DPYD: variants seen among roughly 807,000 people sequenced by gnomAD.
DPYD encodes the protein dihydropyrimidine dehydrogenase [NADP(+)].
DPYD carries 109 observed loss-of-function variants against 116.2 expected under a neutral mutation model. That is an observed-to-expected ratio of 0.94 (90% confidence interval 0.80 to 1.10). The LOEUF (loss-of-function observed/expected upper bound fraction) is 1.10, where lower values mean the gene tolerates loss of function less well. DPYD is among the 50% of genes least tolerant of loss of function. DPYD has a pLI of 0.00. For missense variants in DPYD, 1,302 were observed against 1,254.5 expected (o/e 1.04, Z -0.57); for synonymous variants, 440 against 432.0 (o/e 1.02, Z -0.23).
At chr1:97,184,288 G>A (rs1003507290) in intron 20 of DPYD, among the ~76,000 whole-genome samples, 4 of 152,234 alleles carry the variant, frequency 2.6e-5, no homozygotes, top group Middle Eastern at 6.8e-3. Context: ...ATTTGGCAAT[G>A]GGATTGCTGG....
At chr1:97,499,570 C>T (rs1222841093) in intron 13 of DPYD, among the ~76,000 whole-genome samples, 3 of 151,574 alleles carry the variant, frequency 2.0e-5, no homozygotes, top group Admixed American at 1.3e-4. Flanking sequence ...TGGAGAACAG[C>T]GGGAACAAAA....
chr1:97,451,917 C>T (rs1043732941), intron 13 of DPYD, among the ~76,000 whole-genome samples: 9 of 152,050 alleles, frequency 5.9e-5, no homozygotes, highest in African/African-American at 1.9e-4. Flanking sequence ...CAACCTAGGC[C>T]ACAAGTTGTT....
chr1:97,169,523 T>TTCTTATTTTA, intron 20 of DPYD, among the ~76,000 whole-genome samples: 1 of 143,094 alleles, frequency 7.0e-6, no homozygotes, highest in Non-Finnish European at 1.5e-5. Flanking sequence ...ATTGGGTTAA[T>TTCTTATTTTA]TTTTATTTTA....
intron 20 of DPYD, among the ~76,000 whole-genome samples, chr1:97,121,925 G>A (rs552377224): frequency 6.6e-6 from 1 of 152,282 alleles, no homozygotes; most frequent in East Asian, 1.9e-4. Context: ...GCCTGGGTCT[G>A]CAAGTAGATT....
At position 97,373,554 on chromosome 1, in the gene DPYD, T is replaced by A. The variant is rs1188468365; in HGVS notation, c.2058+7A>T. 6.2e-7 allele frequency: 1 copy of A among 1,613,430 alleles called. No homozygotes were observed. Among genetic ancestry groups the A allele is most frequent in the Non-Finnish European group, 8.5e-7 (1 of 1,179,578 alleles). On this transcript the variant is annotated splice_region_variant and intron_variant, in intron 16 of 22. Coordinates refer to ENST00000370192, the MANE Select transcript of DPYD (RefSeq NM_000110.4). ...ACATACTTAGTGGCAGCTGTCAAGG[T>A]CCTTACCTGCCCACAGGCCAGGCCC...
Position 97,785,027 on chromosome 1 carries a change from T to C in DPYD, c.233+43087A>G, listed in dbSNP as rs570833346. Reference sequence around the variant, plus strand: ...TTTATAATTTCATGGTGTTCTGATTTTAATAAACACAAATAAATTTATTAA... The same window carrying C: ...TTTATAATTTCATGGTGTTCTGATTCTAATAAACACAAATAAATTTATTAA... On this transcript the variant is annotated intron_variant, in intron 3 of 22. Coordinates refer to ENST00000370192, the MANE Select transcript of DPYD (RefSeq NM_000110.4). Among the ~76,000 whole-genome samples the C allele has an allele frequency of 1.3e-4, 20 of 152,342 alleles. No individual in the cohort carries two copies. The East Asian group carries it at 3.9e-3, about 29-fold the overall frequency.
chr1:97,180,109 T>C (rs1248074122), intron 20 of DPYD, among the ~76,000 whole-genome samples: 2 of 152,144 alleles, frequency 1.3e-5, no homozygotes, highest in Non-Finnish European at 2.9e-5. Context: ...TGGTTTGTTT[T>C]GTTTGACTTT....
intron 19 of DPYD, among the ~76,000 whole-genome samples, chr1:97,216,551 T>C (rs1660408590): frequency 6.6e-6 from 1 of 152,168 alleles, no homozygotes; most frequent in South Asian, 2.1e-4. Context: ...CCCAGTACTT[T>C]GGGAGGCCGA....
At position 97,679,150 on chromosome 1, in the gene DPYD, T is replaced by G. The variant is rs766962931; in HGVS notation, c.795A>C (p.Glu265Asp). 6.3e-7 allele frequency: 1 copy of G among 1,590,346 alleles called. No individual in the cohort carries two copies. The highest frequency in any genetic ancestry group is 8.6e-7 in the Non-Finnish European group (1 of 1,166,036). ...TTTCTTTCAAAGTGCTAAGAGTCAT[T>G]TCATTCACTGAAAGGCTTTTACCGC... is the stretch of plus-strand genomic sequence containing the variant. The part of the protein sequence containing the change: ...IICGKSLSVN[E>D]MTLSTLKEKG... Residue 265 changes from glutamate to aspartate, a missense_variant, in exon 8 of 23, where the codon GAA becomes GAC. Physicochemically the swap from Glu to Asp is conservative, Grantham distance 45 (BLOSUM62 2). Coordinates refer to ENST00000370192, the MANE Select transcript of DPYD (RefSeq NM_000110.4).
chr1:97,227,331 C>CAAAAAAAAAAAA (rs60992225), intron 19 of DPYD, among the ~76,000 whole-genome samples: 4 of 26,370 alleles, frequency 1.5e-4, no homozygotes, highest in Non-Finnish European at 2.4e-4. Flanking sequence ...GACTCTATCT[C>CAAAAAAAAAAAA]AAAAAAAAAA....
At chr1:97,392,010 A>G (rs542852748) in intron 14 of DPYD, among the ~76,000 whole-genome samples, 5 of 152,184 alleles carry the variant, frequency 3.3e-5, no homozygotes, top group African/African-American at 1.2e-4. Context: ...ATGAGAGCAA[A>G]AGAAAGGGTA....
chr1:97,249,640 CATT>C (rs1662952059), intron 18 of DPYD, among the ~76,000 whole-genome samples: 1 of 151,576 alleles, frequency 6.6e-6, no homozygotes, highest in African/African-American at 2.4e-5. Context: ...CAAAATACAT[CATT>C]AAGAAAATAA....
intron 2 of DPYD, among the ~76,000 whole-genome samples, chr1:97,840,059 A>G (rs951121591): frequency 5.9e-5 from 9 of 152,132 alleles, no homozygotes; most frequent in Admixed American, 2.6e-4. Context: ...ACTTGTGTAG[A>G]GTAACTTTGG....
intron 18 of DPYD, among the ~76,000 whole-genome samples, chr1:97,286,614 C>T (rs1407641261): frequency 3.3e-5 from 5 of 152,122 alleles, no homozygotes; most frequent in African/African-American, 7.2e-5. Flanking sequence ...AGGCTTTGTT[C>T]ATTTCTTTTT....
At chr1:97,651,097 C>T (rs768101345) in intron 8 of DPYD, among the ~76,000 whole-genome samples, 1 of 152,040 alleles carries the variant, frequency 6.6e-6, no homozygotes, top group Admixed American at 6.6e-5. Context: ...TTTTAAGTAG[C>T]TATAATTTAT....
chr1:97,600,287 T>G (rs560545062), intron 8 of DPYD, among the ~76,000 whole-genome samples: 1 of 152,300 alleles, frequency 6.6e-6, no homozygotes, highest in South Asian at 2.1e-4. Flanking sequence ...ATCTCACATG[T>G]TATGTTACTC....
chr1:97,906,804 C>G (rs1266870177), intron 1 of DPYD, among the ~76,000 whole-genome samples: 1 of 152,070 alleles, frequency 6.6e-6, no homozygotes, highest in Non-Finnish European at 1.5e-5. Flanking sequence ...GCTTCAGGGA[C>G]AGAAGATTCA....
At chr1:97,127,418 T>C (rs1460364190) in intron 20 of DPYD, among the ~76,000 whole-genome samples, 5 of 152,130 alleles carry the variant, frequency 3.3e-5, no homozygotes, top group Admixed American at 3.3e-4. Context: ...GTTGTACATC[T>C]CTCATTGGCT....
intron 16 of DPYD, among the ~76,000 whole-genome samples, chr1:97,366,647 C>A (rs1316169766): frequency 1.3e-5 from 2 of 152,128 alleles, no homozygotes; most frequent in African/African-American, 4.8e-5. Flanking sequence ...ACATCACATT[C>A]AGGATAATTC....
Sources: allele counts gnomAD v4.1 joint callset (sites outside exome capture counted in the v4.1 genomes callset), GRCh38; gene constraint gnomAD v4.1.1; transcripts MANE v1.5; gene names NCBI Gene and HGNC (gene_info 2026-07-23, HGNC 2026-07-21).